DCDC1: variants seen among roughly 807,000 people sequenced by gnomAD.
The protein encoded by DCDC1 is doublecortin domain-containing protein 1.
Under a neutral mutation model 178.3 loss-of-function variants are expected in DCDC1, and 200 were observed. The observed-to-expected ratio is 1.12, with a 90% CI of 1.00 to 1.26. DCDC1 has a LOEUF of 1.26. Among genes scored for constraint, DCDC1 ranks in the 50% most tolerant of loss-of-function variants. The pLI is 0.00. For synonymous variants in DCDC1, 690 were observed against 604.8 expected (o/e 1.14, Z -2.07); for missense variants, 1,983 against 1,749.2 (o/e 1.13, Z -2.38).
chr11:31,344,409 T>G (rs1950709878), intron 1 of DCDC1, among the ~76,000 whole-genome samples: 1 of 152,148 alleles, frequency 6.6e-6, no homozygotes, highest in Non-Finnish European at 1.5e-5. Context: ...ATTCCATCCT[T>G]TTTTACAAAA....
intron 20 of DCDC1, among the ~76,000 whole-genome samples, chr11:31,055,339 T>G (rs1475470626): frequency 6.6e-6 from 1 of 152,190 alleles, no homozygotes; most frequent in East Asian, 1.9e-4. Flanking sequence ...AAACAGATGT[T>G]TGCATGGATG....
In DCDC1 at chr11:31,213,100, C is replaced by CCTCTCTCTCTCT. The variant is rs71060480; in HGVS notation, c.1221+28338_1221+28349dup. The stretch of plus-strand genomic sequence containing the variant: ...GTGTCATCTTCTATATAAAGCCCAG[C>CCTCTCTCTCTCT]CTCTCTCTCTCTCTCTCTCTCTCTC... On this transcript the variant is annotated intron_variant, in intron 9 of 38. Transcript: ENST00000684477. 3.6e-4 allele frequency among the ~76,000 whole-genome samples: 16 copies of CCTCTCTCTCTCT among 44,266 alleles called. No individual in the cohort carries two copies. The South Asian group carries it at 4.4e-3, about 12-fold the overall frequency. The allele number at this position is 44,266 out of a possible 152,430, so 29.0% of individuals were successfully genotyped here. A position where few individuals can be genotyped will look rare whatever the true frequency, so the allele number is the denominator to read the frequency against.
At chr11:30,924,332 T>C (rs1024932335) in intron 23 of DCDC1, among the ~76,000 whole-genome samples, 2 of 152,158 alleles carry the variant, frequency 1.3e-5, no homozygotes, top group African/African-American at 4.8e-5. Context: ...GCCTCTGATG[T>C]TGGCCATTGA....
intron 9 of DCDC1, among the ~76,000 whole-genome samples, chr11:31,143,015 A>G (rs1964019422): frequency 6.6e-6 from 1 of 152,172 alleles, no homozygotes; most frequent in Non-Finnish European, 1.5e-5. Context: ...ACACGCAACA[A>G]ACTGTACTAG....
chr11:31,073,920 T>G (rs1328759748), intron 18 of DCDC1, among the ~76,000 whole-genome samples: 1 of 152,152 alleles, frequency 6.6e-6, no homozygotes, highest in Non-Finnish European at 1.5e-5. Context: ...AACTCTAAAT[T>G]TCTAAAATGA....
rs564062627 is a variant in DCDC1 at position 31,024,159 on chromosome 11, T to C, written c.2591+40310A>G. ...TATAGGATAATGATTGATTGTGTTT[T>C]TTAATCTCATAGAATATTATAACAT... On this transcript the variant is annotated intron_variant, in intron 20 of 38. Transcript: ENST00000684477. 3.3e-5 allele frequency among the ~76,000 whole-genome samples: 5 copies of C among 152,150 alleles called. No homozygotes were observed. The South Asian group carries it at 1.0e-3, about 32-fold the overall frequency.
intron 20 of DCDC1, among the ~76,000 whole-genome samples, chr11:30,994,268 A>C (rs946406461): frequency 3.9e-5 from 6 of 152,036 alleles, no homozygotes. Flanking sequence ...CGTAATAAAA[A>C]TTTACAGCAA....
chr11:31,260,023 C>A (rs534038143), intron 8 of DCDC1, among the ~76,000 whole-genome samples: 13 of 152,260 alleles, frequency 8.5e-5, no homozygotes, highest in Non-Finnish European at 1.3e-4. Context: ...TGCTTGGAAA[C>A]AAGGCATATG....
chr11:31,203,043 A>G (rs1971470470), intron 9 of DCDC1, among the ~76,000 whole-genome samples: 1 of 152,140 alleles, frequency 6.6e-6, no homozygotes, highest in Admixed American at 6.5e-5. Flanking sequence ...TGGACAGTGA[A>G]GGGTGAGCAC....
At chr11:30,914,339 G>C (rs1945669028) in intron 27 of DCDC1, among the ~76,000 whole-genome samples, 1 of 152,244 alleles carries the variant, frequency 6.6e-6, no homozygotes, top group Non-Finnish European at 1.5e-5. Flanking sequence ...CTCCTGCCCA[G>C]GCAGGGCTCG....
At chr11:31,197,806 A>G (rs926369994) in intron 9 of DCDC1, among the ~76,000 whole-genome samples, 1 of 152,012 alleles carries the variant, frequency 6.6e-6, no homozygotes, top group Non-Finnish European at 1.5e-5. Flanking sequence ...CATCTTAAGG[A>G]CCATTTCAGG....
intron 9 of DCDC1, among the ~76,000 whole-genome samples, chr11:31,161,245 G>T (rs1966291838): frequency 6.6e-6 from 1 of 152,140 alleles, no homozygotes; most frequent in Non-Finnish European, 1.5e-5. Flanking sequence ...AACACTGGGA[G>T]AAATCAAACG....
intron 17 of DCDC1, among the ~76,000 whole-genome samples, 196 bp downstream of exon 17, chr11:31,091,197 C>CT (rs1384125912): frequency 6.6e-6 from 1 of 152,184 alleles, no homozygotes; most frequent in African/African-American, 2.4e-5. Context: ...TTTTAAATAT[C>CT]TTTAAAACAC....
chr11:30,960,065 T>A lies in DCDC1; in HGVS notation c.2592-7497A>T, dbSNP rs900273689. 6.6e-5 allele frequency among the ~76,000 whole-genome samples: 10 copies of A among 152,258 alleles called. No individual in the cohort carries two copies. In the South Asian group the frequency reaches 1.7e-3, roughly 25 times the overall value. On this transcript the variant is annotated intron_variant, in intron 20 of 38. Transcript: ENST00000684477. ...GGGTGAGGAGCAATCTAAATCTCTA[T>A]CTGATCATACTCTCAGGTAGTATGC... is the stretch of plus-strand genomic sequence containing the variant.
At chr11:31,332,366 G>T (rs1312877197) in intron 2 of DCDC1, among the ~76,000 whole-genome samples, 2 of 152,090 alleles carry the variant, frequency 1.3e-5, no homozygotes, top group Non-Finnish European at 2.9e-5. Context: ...GGGATTTTGT[G>T]TGTCTATCTC....
intron 9 of DCDC1, among the ~76,000 whole-genome samples, chr11:31,225,615 T>C (rs1974839971): frequency 6.7e-6 from 1 of 150,146 alleles, no homozygotes; most frequent in African/African-American, 2.4e-5. Context: ...TACATATATG[T>C]AATATATATA....
At chr11:31,161,446 ACCTTTT>A (rs1966307159) in intron 9 of DCDC1, among the ~76,000 whole-genome samples, 2 of 152,098 alleles carry the variant, frequency 1.3e-5, no homozygotes, top group Non-Finnish European at 2.9e-5. Flanking sequence ...ATTCTGTGTG[ACCTTTT>A]CCTTGGCTCT....
At chr11:31,172,065 ATGG>A (rs2136226607) in intron 9 of DCDC1, among the ~76,000 whole-genome samples, 1 of 152,320 alleles carries the variant, frequency 6.6e-6, no homozygotes, top group Admixed American at 6.5e-5. Context: ...GAAAAAACTG[ATGG>A]TCAGAGTGAC....
chr11:30,981,965 C>T (rs991866022), intron 20 of DCDC1, among the ~76,000 whole-genome samples: 1 of 152,072 alleles, frequency 6.6e-6, no homozygotes, highest in South Asian at 2.1e-4. Flanking sequence ...AAAAGGCTTT[C>T]AACCATCTTT....
Sources: allele counts gnomAD v4.1 joint callset (sites outside exome capture counted in the v4.1 genomes callset), GRCh38; gene constraint gnomAD v4.1.1; transcripts MANE v1.5; gene names NCBI Gene and HGNC (gene_info 2026-07-23, HGNC 2026-07-21).